The following CHN1 variants were observed in gnomAD, a reference collection of about 807,000 sequenced individuals.
CHN1 encodes the protein N-chimaerin.
Under a neutral mutation model 59.5 loss-of-function variants are expected in CHN1, and 37 were observed. The observed-to-expected ratio is 0.62, with a 90% CI of 0.48 to 0.82. The LOEUF is 0.82. Among genes scored for constraint, CHN1 ranks in the 40% least tolerant of loss-of-function variants. The pLI, the probability that CHN1 is intolerant of heterozygous loss-of-function variation, is 0.00. For missense variants in CHN1, 469 were observed against 571.0 expected (o/e 0.82, Z 1.82); for synonymous variants, 206 against 200.4 (o/e 1.03, Z -0.24).
chr2:174,801,388 G>A, intron 12 of CHN1, among the ~76,000 whole-genome samples: 1 of 152,170 alleles, frequency 6.6e-6, no homozygotes. Context: ...TATTATGCAA[G>A]TGTCTTTACA....
chr2:174,929,585 AAAAG>A (rs1689272851), intron 3 of CHN1, among the ~76,000 whole-genome samples: 1 of 152,150 alleles, frequency 6.6e-6, no homozygotes, highest in Admixed American at 6.5e-5. Context: ...TTCAAAAAAA[AAAAG>A]GAAAAATATT....
chr2:174,959,343 T>C (rs1415728635), intron 1 of CHN1, among the ~76,000 whole-genome samples: 2 of 152,048 alleles, frequency 1.3e-5, no homozygotes, highest in South Asian at 2.1e-4. Flanking sequence ...GTGGATCCTT[T>C]TGCTGAGAGA....
chr2:174,851,743 T>C (rs932457936), intron 6 of CHN1, among the ~76,000 whole-genome samples: 2 of 152,118 alleles, frequency 1.3e-5, no homozygotes, highest in Admixed American at 6.6e-5. Flanking sequence ...AAGGAGGAAG[T>C]CCTAGCCAGA....
chr2:174,989,704 C>T (rs1003180879), intron 1 of CHN1, among the ~76,000 whole-genome samples: 3 of 151,702 alleles, frequency 2.0e-5, no homozygotes, highest in Non-Finnish European at 4.4e-5. Context: ...GTGGGAGGAT[C>T]GCCTGAGCCC....
At chr2:174,849,982 A>G (rs752764890) in intron 6 of CHN1, among the ~76,000 whole-genome samples, 1 of 152,246 alleles carries the variant, frequency 6.6e-6, no homozygotes, top group Non-Finnish European at 1.5e-5. Context: ...AATAGATGGT[A>G]AGACAGACTA....
chr2:174,926,231 T>C (rs1193618), intron 3 of CHN1, among the ~76,000 whole-genome samples: 16,414 of 151,450 alleles, frequency 0.11, 2,004 homozygotes, highest in African/African-American at 0.3. Flanking sequence ...TGAGACAAGG[T>C]CTTGCTCTGT....
At chr2:174,954,880 A>T (rs1265418688) in intron 1 of CHN1, among the ~76,000 whole-genome samples, 1 of 152,098 alleles carries the variant, frequency 6.6e-6, no homozygotes, top group Non-Finnish European at 1.5e-5. Context: ...AACCGTGTGG[A>T]GATTCCTTAA....
chr2:174,966,326 T>A (rs542008355), intron 1 of CHN1, among the ~76,000 whole-genome samples: 47 of 151,546 alleles, frequency 3.1e-4, no homozygotes, highest in Non-Finnish European at 6.2e-4. Context: ...GAACCGTTAA[T>A]ACTCAGGAAG....
chr2:174,896,904 T>C (rs1688233403), intron 5 of CHN1, among the ~76,000 whole-genome samples: 1 of 152,168 alleles, frequency 6.6e-6, no homozygotes. Context: ...TCTAATGATA[T>C]AAATTACCTT....
chr2:174,972,886 T>C (rs1428274342), intron 1 of CHN1, among the ~76,000 whole-genome samples: 1 of 152,168 alleles, frequency 6.6e-6, no homozygotes, highest in Non-Finnish European at 1.5e-5. Flanking sequence ...AAAAGTGAAC[T>C]AATAAACATA....
At chr2:174,974,777 T>A (rs924976379) in intron 1 of CHN1, among the ~76,000 whole-genome samples, 1 of 152,120 alleles carries the variant, frequency 6.6e-6, no homozygotes, top group South Asian at 2.1e-4. Flanking sequence ...AACCATGAGA[T>A]TGGTTTCCTT....
intron 6 of CHN1, among the ~76,000 whole-genome samples, chr2:174,872,311 T>C (rs980366028): frequency 3.9e-5 from 6 of 152,082 alleles, no homozygotes; most frequent in Non-Finnish European, 5.9e-5. Flanking sequence ...ACATAACTTC[T>C]GAATATCAAG....
chr2:174,818,622 T>C (rs1374511143), intron 8 of CHN1, among the ~76,000 whole-genome samples: 1 of 132,706 alleles, frequency 7.5e-6, no homozygotes, highest in African/African-American at 4.3e-5. Context: ...TATGTTACTA[T>C]TAAACCACAT....
intron 2 of CHN1, among the ~76,000 whole-genome samples, chr2:174,949,945 C>G (rs1689964379): frequency 6.6e-6 from 1 of 151,996 alleles, no homozygotes; most frequent in Non-Finnish European, 1.5e-5. Context: ...GATAAAACTC[C>G]GTAACAGAAC....
chr2:174,995,739 GAC>G (rs1691687049), intron 1 of CHN1, among the ~76,000 whole-genome samples: 1 of 152,128 alleles, frequency 6.6e-6, no homozygotes, highest in Non-Finnish European at 1.5e-5. Flanking sequence ...GGGGGTTGGG[GAC>G]ACCTGCTGCC....
intron 1 of CHN1, among the ~76,000 whole-genome samples, chr2:174,979,290 T>G (rs771359215): frequency 5.3e-5 from 8 of 152,240 alleles, no homozygotes; most frequent in Admixed American, 3.3e-4. Context: ...AATAACTTGT[T>G]ATTGGAATTT....
intron 7 of CHN1, among the ~76,000 whole-genome samples, chr2:174,845,316 T>C (rs1226662489): frequency 6.6e-6 from 1 of 152,182 alleles, no homozygotes; most frequent in African/African-American, 2.4e-5. Flanking sequence ...TACATACAAT[T>C]TCCTCTTTAT....
chr2:174,973,405 G>T (rs972226495), intron 1 of CHN1, among the ~76,000 whole-genome samples: 4 of 152,160 alleles, frequency 2.6e-5, no homozygotes, highest in Non-Finnish European at 4.4e-5. Flanking sequence ...ACAAAACACG[G>T]TTTTTTCAGG....
chr2:174,878,191 A>AC (rs1174235354), intron 5 of CHN1, 63 bp from the exon 6 acceptor site: 7 of 1,432,160 alleles, frequency 4.9e-6, no homozygotes, highest in Non-Finnish European at 6.5e-6. Context: ...CTTTCTGAAA[A>AC]AAAAACAAAA....
Sources: gnomAD v4.1 joint callset for allele counts (sites outside exome capture counted in the v4.1 genomes callset) on GRCh38, gnomAD v4.1.1 for gene constraint, MANE v1.5 for transcripts, NCBI Gene and HGNC (gene_info 2026-07-23, HGNC 2026-07-21) for gene names.